Variants in CFAP52 observed in about 807,000 individuals in gnomAD.
CFAP52 encodes the protein cilia and flagella associated protein 52.
A neutral mutation model predicts 70.5 loss-of-function variants in CFAP52; 57 were observed. The ratio of observed to expected loss-of-function variants is 0.81; its 90% CI spans 0.65 to 1.01. CFAP52 has a LOEUF of 1.01. Ranked by LOEUF, CFAP52 falls within the 50% of genes least tolerant of loss-of-function variation. CFAP52 has a pLI of 0.00. For missense variants in CFAP52, 785 were observed against 788.5 expected, an observed-to-expected ratio of 1.00 and a Z score of 0.05; for synonymous variants, 267 against 292.5, an observed-to-expected ratio of 0.91 and a Z score of 0.89.
In CFAP52 at chr17:9,628,840, A is replaced by C; in HGVS notation, c.1174+20A>C. On this transcript the variant is annotated intron_variant, in intron 9 of 13. Transcript: ENST00000352665. ...TTTCAGGTAACGTCCACATGTCAAG[A>C]TCTGGCTTGGGGCTCTAGCTGCGGT... is the stretch of plus-strand genomic sequence containing the variant. 6.2e-7 allele frequency: 1 copy of C among 1,613,714 alleles called. No individual in the cohort carries two copies. Among genetic ancestry groups the C allele is most frequent in the Non-Finnish European group, 8.5e-7 (1 of 1,179,790 alleles).
chr17:9,576,729 G>A lies in CFAP52; in HGVS notation c.34G>A (p.Ala12Thr). Residue 12 changes from alanine to threonine, a missense_variant, in exon 1 of 14, where the codon GCG becomes ACG. Physicochemically the swap from Ala to Thr is moderately conservative, Grantham distance 58. Transcript: ENST00000352665. ...CAAAATTTCGCCGGAGGCCCAAGTG[G>A]CGGAGCTGGAACTTGACGCCGTGAT... ...DNKISPEAQVAELELDAVIGF... is the reference protein window; with the variant it reads ...DNKISPEAQVTELELDAVIGF... 1 of 1,612,620 alleles carries A rather than the reference G, an allele frequency of 6.2e-7. No individual in the cohort carries two copies. The highest frequency in any genetic ancestry group is 8.5e-7 in the Non-Finnish European group (1 of 1,179,296).
At chr17:9,638,019 C>T (rs1487195384) in intron 11 of CFAP52, among the ~76,000 whole-genome samples, 2 of 152,214 alleles carry the variant, frequency 1.3e-5, no homozygotes, top group South Asian at 4.1e-4. Context: ...AGGGTTGAGC[C>T]TGCCAGCTTT....
intron 8 of CFAP52, among the ~76,000 whole-genome samples, chr17:9,627,756 T>A (rs893168342): frequency 1.6e-4 from 24 of 152,338 alleles, no homozygotes; most frequent in Middle Eastern, 3.4e-3. Context: ...TGTCTCACTC[T>A]GTCATCCAGG....
intron 3 of CFAP52, 144 bp from the exon 4 acceptor site, chr17:9,594,049 G>A (rs2151932696): frequency 8.3e-7 from 1 of 1,199,470 alleles, no homozygotes; most frequent in Admixed American, 3.0e-5. Context: ...TTGAGGAGAT[G>A]TCAGGGGTGG....
In CFAP52 at chr17:9,635,495, A is replaced by T. The variant is rs1910733309; in HGVS notation, c.1411A>T (p.Arg471Trp). 6 of 1,614,214 alleles carry T rather than the reference A, an allele frequency of 3.7e-6. No individual in the cohort carries two copies. Among genetic ancestry groups the T allele is most frequent in the Middle Eastern group, 1.6e-4 (1 of 6,062 alleles). ...ATCAGTGTCCTGCATTAGGGTGAAG[A>T]GGAACAACGAGGAGTGTGTCACCGC... ...KSSVSCIRVKRNNEECVTAST... is the reference protein window; with the variant it reads ...KSSVSCIRVKWNNEECVTAST... Residue 471 changes from arginine (R) to tryptophan (W), a missense_variant, in exon 11 of 14, where the codon AGG (arginine) becomes TGG (tryptophan). Arg to Trp is a moderately radical substitution (Grantham distance 101). Transcript: ENST00000352665.
At chr17:9,627,282 G>A (rs1910274508) in intron 8 of CFAP52, among the ~76,000 whole-genome samples, 1 of 152,050 alleles carries the variant, frequency 6.6e-6, no homozygotes, top group African/African-American at 2.4e-5. Context: ...GGCCGATGTG[G>A]GTGGATCACC....
intron 6 of CFAP52, among the ~76,000 whole-genome samples, chr17:9,607,038 C>G (rs888642019): frequency 1.3e-5 from 2 of 152,148 alleles, no homozygotes; most frequent in Admixed American, 6.5e-5. Flanking sequence ...ACTAGCTATA[C>G]TGAATGTTTT....
At chr17:9,577,142 A>G (rs943625877) in intron 1 of CFAP52, among the ~76,000 whole-genome samples, 2 of 152,228 alleles carry the variant, frequency 1.3e-5, no homozygotes, top group East Asian at 1.9e-4. Context: ...CTCCTTCGTA[A>G]CCACACAGAA....
intron 9 of CFAP52, among the ~76,000 whole-genome samples, chr17:9,631,012 AAGAAAGAAAGAAAGAAAG>A (rs1209681659): frequency 1.9e-5 from 1 of 53,310 alleles, no homozygotes; most frequent in African/African-American, 1.2e-4. Context: ...GAAAGAAAGA[AAGAAAGAAAGAAAGAAAG>A]AGAGAGAGAG....
At chr17:9,622,552 A>AAAGAAGAAG (rs1555543657) in intron 8 of CFAP52, among the ~76,000 whole-genome samples, 1 of 151,376 alleles carries the variant, frequency 6.6e-6, no homozygotes, top group African/African-American at 2.4e-5. Flanking sequence ...ATTAAAAAAA[A>AAAGAAGAAG]AAGAAGAAGA....
intron 8 of CFAP52, among the ~76,000 whole-genome samples, chr17:9,623,819 C>T (rs551832787): frequency 6.6e-6 from 1 of 152,282 alleles, no homozygotes; most frequent in East Asian, 1.9e-4. Flanking sequence ...CCTCAGCCTC[C>T]TGAGTAGCTG....
chr17:9,628,182 T>C (rs1435401291), intron 8 of CFAP52, among the ~76,000 whole-genome samples: 1 of 152,164 alleles, frequency 6.6e-6, no homozygotes, highest in African/African-American at 2.4e-5. Context: ...GGTCCACAGA[T>C]GATTAGAGGG....
chr17:9,584,117 T>C (rs1908340846), intron 1 of CFAP52: 1 of 1,091,848 alleles, frequency 9.2e-7, no homozygotes, highest in East Asian at 6.5e-5. Flanking sequence ...GCCCTGTTCT[T>C]ACCAGGCTGG....
intron 1 of CFAP52, among the ~76,000 whole-genome samples, chr17:9,579,139 A>C (rs1359371918): frequency 2.6e-5 from 4 of 152,132 alleles, no homozygotes; most frequent in Admixed American, 2.6e-4. Context: ...TTTAGTTTAC[A>C]AAAGTGATTG....
chr17:9,639,802 C>T (rs1910973901), intron 12 of CFAP52, among the ~76,000 whole-genome samples: 1 of 152,138 alleles, frequency 6.6e-6, no homozygotes, highest in South Asian at 2.1e-4. Flanking sequence ...AGGACTCAGT[C>T]AATGCCTAGA....
chr17:9,631,796 G>A (rs962514164), intron 9 of CFAP52, among the ~76,000 whole-genome samples: 2 of 148,592 alleles, frequency 1.3e-5, no homozygotes, highest in South Asian at 2.1e-4. Flanking sequence ...AGATGGAGTC[G>A]TGCTCTGTTG....
intron 9 of CFAP52, 121 bp from the exon 10 acceptor site, chr17:9,632,767 G>GTGTAGA: frequency 7.1e-7 from 1 of 1,399,258 alleles, no homozygotes; most frequent in South Asian, 1.5e-5. Context: ...AGCTGAGCTG[G>GTGTAGA]TCTCTTTCCT....
At chr17:9,592,085 G>A (rs1450594979) in intron 3 of CFAP52, among the ~76,000 whole-genome samples, 10 of 152,004 alleles carry the variant, frequency 6.6e-5, no homozygotes, top group Admixed American at 5.9e-4. Flanking sequence ...GTGTTAAGGT[G>A]TACAGTTGAG....
intron 12 of CFAP52, among the ~76,000 whole-genome samples, chr17:9,640,442 G>T (rs531286756): frequency 0.015 from 1,872 of 123,616 alleles, 47 homozygotes; most frequent in African/African-American, 0.054. Flanking sequence ...GTTTCCCCAC[G>T]TGTCCATCTC....
Sources: allele counts gnomAD v4.1 joint callset (sites outside exome capture counted in the v4.1 genomes callset), GRCh38; gene constraint gnomAD v4.1.1; transcripts MANE v1.5; gene names NCBI Gene and HGNC (gene_info 2026-07-23, HGNC 2026-07-21).